Variants in ZC3H6 observed in about 807,000 individuals in gnomAD.
ZC3H6 encodes zinc finger CCCH-type containing 6.
A neutral mutation model predicts 107.7 loss-of-function variants in ZC3H6; 40 were observed. That is an observed-to-expected ratio of 0.37 (90% confidence interval 0.29 to 0.48). The LOEUF (loss-of-function observed/expected upper bound fraction) is 0.48, where lower values mean the gene tolerates loss of function less well. Among genes scored for constraint, ZC3H6 ranks in the 20% least tolerant of loss-of-function variants. ZC3H6 has a pLI of 0.98. For synonymous variants in ZC3H6, 493 were observed against 487.9 expected, an observed-to-expected ratio of 1.01 and a Z score of -0.14; for missense variants, 1,267 against 1,410.4, an observed-to-expected ratio of 0.90 and a Z score of 1.63.
chr2:112,326,281 G>A (rs1676905380), intron 11 of ZC3H6, among the ~76,000 whole-genome samples: 1 of 151,928 alleles, frequency 6.6e-6, no homozygotes, highest in African/African-American at 2.4e-5. Flanking sequence ...TAGTCACCCT[G>A]TTGTGCTATC....
At chr2:112,285,099 G>A (rs915874841) in intron 1 of ZC3H6, among the ~76,000 whole-genome samples, 2 of 152,078 alleles carry the variant, frequency 1.3e-5, no homozygotes, top group African/African-American at 4.8e-5. Context: ...TCTGAAAAAG[G>A]ATTTAATATT....
chr2:112,311,772 T>C (rs143105301), intron 4 of ZC3H6, 32 bp from the exon 5 acceptor site: 3 of 1,571,174 alleles, frequency 1.9e-6, no homozygotes, highest in African/African-American at 2.7e-5. Context: ...GCTGTTTTTC[T>C]TTTAAATTTA....
chr2:112,276,360 G>A (rs1335238206), intron 1 of ZC3H6, among the ~76,000 whole-genome samples: 1 of 151,638 alleles, frequency 6.6e-6, no homozygotes, highest in Non-Finnish European at 1.5e-5. Context: ...GCTTCTGCCC[G>A]TCCAGGTGTC....
At chr2:112,322,932 A>C in intron 9 of ZC3H6, 30 bp downstream of exon 9, 1 of 1,551,504 alleles carries the variant, frequency 6.4e-7, no homozygotes, top group Non-Finnish European at 8.7e-7. Flanking sequence ...AATGACATCA[A>C]ATATTTTTTT....
Position 112,324,944 on chromosome 2 carries a change from T to A in ZC3H6, c.1853-20T>A. On this transcript the variant is annotated intron_variant, in intron 10 of 11. Coordinates refer to ENST00000409871, the MANE Select transcript of ZC3H6 (RefSeq NM_198581.3). ...TTTGTGCTCACTCAATGACTGTCTC[T>A]CCCCATGTTATACATGTAGATGGGA... 6.4e-7 allele frequency: 1 copy of A among 1,573,624 alleles called. No homozygotes were observed. Among genetic ancestry groups the A allele is most frequent in the Non-Finnish European group, 8.6e-7 (1 of 1,157,882 alleles).
At chr2:112,300,204 GTAAT>G (rs1558949983) in intron 2 of ZC3H6, among the ~76,000 whole-genome samples, 175 bp downstream of exon 2, 1 of 151,896 alleles carries the variant, frequency 6.6e-6, no homozygotes, top group South Asian at 2.1e-4. Context: ...GATTTAAAAA[GTAAT>G]TAAGTTAAAT....
intron 3 of ZC3H6, among the ~76,000 whole-genome samples, chr2:112,304,784 T>A (rs183346067): frequency 4.7e-4 from 72 of 152,316 alleles, no homozygotes; most frequent in African/African-American, 1.7e-3. Flanking sequence ...ACTGTTCTGG[T>A]CTACAAGAGC....
chr2:112,299,161 C>T (rs1007747145), intron 1 of ZC3H6, among the ~76,000 whole-genome samples: 15 of 151,638 alleles, frequency 9.9e-5, no homozygotes, highest in African/African-American at 3.6e-4. Flanking sequence ...CCTGTAGTCC[C>T]AGCTACTTGG....
At position 112,333,390 on chromosome 2, in the gene ZC3H6, T is replaced by C. The variant is rs1480736948; in HGVS notation, c.*902T>C. On this transcript the variant is annotated 3_prime_UTR_variant, in exon 12 of 12. Transcript: ENST00000409871. The stretch of plus-strand genomic sequence containing the variant: ...TCTGTAGTGATTATTACACGGATAA[T>C]GTTTTAAATGTCTAGGTTCTGTATT... 6.6e-6 allele frequency: 1 copy of C among 152,588 alleles called. No individual in the cohort carries two copies. The highest frequency in any genetic ancestry group is 1.5e-5 in the Non-Finnish European group (1 of 67,984). 9.5% of individuals were successfully genotyped at this position (152,588 alleles called of 1,614,324 possible).
rs1051846935 is a variant in ZC3H6 at position 112,291,199 on chromosome 2, A to T, written c.33-8650A>T. ...AATCTCTAGAATTTTAACTGTGATT[A>T]TGTGATTATTTACATATTTTATAGT... On this transcript the variant is annotated intron_variant, in intron 1 of 11. Coordinates refer to ENST00000409871, the MANE Select transcript of ZC3H6 (RefSeq NM_198581.3). Among the ~76,000 whole-genome samples, 11 of 152,342 alleles carry T rather than the reference A, an allele frequency of 7.2e-5. No individual in the cohort carries two copies. The South Asian group carries it at 2.1e-3, about 29-fold the overall frequency.
chr2:112,285,805 A>G (rs1026353096), intron 1 of ZC3H6, among the ~76,000 whole-genome samples: 9 of 152,084 alleles, frequency 5.9e-5, no homozygotes, highest in African/African-American at 2.2e-4. Context: ...TACTAAAAAT[A>G]CAAAAATTAG....
intron 5 of ZC3H6, 137 bp downstream of exon 5, chr2:112,312,074 A>G (rs534580361): frequency 1.7e-5 from 14 of 841,300 alleles, no homozygotes; most frequent in Middle Eastern, 3.0e-4. Flanking sequence ...ATGAGTATCA[A>G]TAACCTCCAA....
chr2:112,331,561 C>T lies in ZC3H6; in HGVS notation c.2643C>T (p.Pro881=), dbSNP rs762249692. 103 of 1,613,894 alleles carry T rather than the reference C, an allele frequency of 6.4e-5. No homozygotes were observed. Among genetic ancestry groups the T allele is most frequent in the East Asian group, 5.6e-4 (25 of 44,892 alleles). ...TTGCAAAACACATCGTGTGGGCTCC[C>T]GAAGACTTACTTCCAGTACCTTTAC... ...PNFAKHIVWA[P]EDLLPVPLPK... Residue 881 remains proline, a synonymous_variant, in exon 12 of 12, where the codon CCC becomes CCT. Coordinates refer to ENST00000409871, the MANE Select transcript of ZC3H6 (RefSeq NM_198581.3).
At chr2:112,297,931 G>A (rs1270275729) in intron 1 of ZC3H6, among the ~76,000 whole-genome samples, 2 of 152,058 alleles carry the variant, frequency 1.3e-5, no homozygotes, top group African/African-American at 4.8e-5. Context: ...TCTGGCCAAC[G>A]TGGTGAAACC....
intron 3 of ZC3H6, among the ~76,000 whole-genome samples, chr2:112,304,408 C>T (rs896270163): frequency 4.6e-5 from 7 of 152,132 alleles, no homozygotes; most frequent in Non-Finnish European, 1.0e-4. Context: ...AAGGTGCCAG[C>T]AGGGTTGGTT....
At position 112,331,544 on chromosome 2, in the gene ZC3H6, C is replaced by A. The variant is rs1677031968; in HGVS notation, c.2626C>A (p.His876Asn). ...ITLTKPNFAK[H>N]IVWAPEDLLP... ...TCTAACCAAACCCAACTTTGCAAAA[C>A]ACATCGTGTGGGCTCCCGAAGACTT... The change falls in exon 12 of 12, where the codon CAC becomes AAC. Residue 876 changes from histidine to asparagine, a missense_variant. Around this residue, in one of 3 missense-constraint regions of ZC3H6, gnomAD observed 925 missense variants for 1,025.7 expected, o/e 0.90. Transcript: ENST00000409871. The A allele has an allele frequency of 6.2e-7, 1 of 1,613,856 alleles. No homozygotes were observed. Among genetic ancestry groups the A allele is most frequent in the African/African-American group, 1.3e-5 (1 of 74,912 alleles).
intron 3 of ZC3H6, among the ~76,000 whole-genome samples, chr2:112,308,741 T>C (rs907576918): frequency 8.0e-5 from 12 of 149,934 alleles, no homozygotes; most frequent in Non-Finnish European, 1.8e-4. Flanking sequence ...CAGAGTAGTA[T>C]TTTAATATCA....
At chr2:112,303,676 T>C (rs1573955225) in intron 3 of ZC3H6, among the ~76,000 whole-genome samples, 1 of 152,230 alleles carries the variant, frequency 6.6e-6, no homozygotes, top group East Asian at 1.9e-4. Context: ...TCACTTAACA[T>C]AATATTTTAA....
At chr2:112,329,709 T>A (rs963845662) in intron 11 of ZC3H6, among the ~76,000 whole-genome samples, 4 of 152,338 alleles carry the variant, frequency 2.6e-5, no homozygotes, top group Middle Eastern at 3.4e-3. Flanking sequence ...ATATCTAGGA[T>A]AGTCTGCTGA....
Sources: allele counts gnomAD v4.1 joint callset (sites outside exome capture counted in the v4.1 genomes callset), GRCh38; gene constraint gnomAD v4.1.1; regional missense constraint gnomAD v4.1.1; transcripts MANE v1.5; gene names NCBI Gene and HGNC (gene_info 2026-07-23, HGNC 2026-07-21).